The following MAN2A1 variants were observed in gnomAD, a reference collection of about 807,000 sequenced individuals.
The protein encoded by MAN2A1 is mannosidase alpha class 2A member 1, also known as alpha-mannosidase 2.
Under a neutral mutation model 142.6 loss-of-function variants are expected in MAN2A1, and 76 were observed. The observed-to-expected ratio is 0.53, with a 90% CI of 0.44 to 0.65. The LOEUF (loss-of-function observed/expected upper bound fraction) is 0.65, where lower values mean the gene tolerates loss of function less well. MAN2A1 is among the 30% of genes least tolerant of loss of function. The pLI, the probability that MAN2A1 is intolerant of heterozygous loss-of-function variation, is 0.00. For missense variants in MAN2A1, 1,311 were observed against 1,365.1 expected (o/e 0.96, Z 0.62); for synonymous variants, 559 against 473.2 (o/e 1.18, Z -2.35).
In MAN2A1 at chr5:109,805,285, T is replaced by C. The variant is rs183568488; in HGVS notation, c.1944-11988T>C. Among the ~76,000 whole-genome samples the C allele has an allele frequency of 1.2e-4, 19 of 152,362 alleles. No homozygotes were observed. The East Asian group carries it at 3.7e-3, about 29-fold the overall frequency. The stretch of plus-strand genomic sequence containing the variant: ...GAATATTTATTCTTTTATTTGACTT[T>C]ACTATTTTCTGTTGTGTACTGGAAA... On this transcript the variant is annotated intron_variant, in intron 12 of 21. Transcript: ENST00000261483.
At chr5:109,800,665 G>C (rs1754000685) in intron 12 of MAN2A1, among the ~76,000 whole-genome samples, 1 of 152,170 alleles carries the variant, frequency 6.6e-6, no homozygotes, top group Non-Finnish European at 1.5e-5. Flanking sequence ...ATTTCTTTTT[G>C]TAATAGAGAA....
rs753634381 is a variant in MAN2A1 at position 109,817,393 on chromosome 5, C to T, written c.2064C>T (p.Ser688=). 21 of 1,613,830 alleles carry T rather than the reference C, an allele frequency of 1.3e-5. No individual in the cohort carries two copies. The highest frequency in any genetic ancestry group is 1.6e-4 in the Middle Eastern group (1 of 6,084). The change falls in exon 13 of 22, where the codon AGC becomes AGT. Residue 688 remains serine, a synonymous_variant. Coordinates refer to ENST00000261483, the MANE Select transcript of MAN2A1 (RefSeq NM_002372.4). ...ASGKPVEVQV[S]AVWDTANTIS... ...GAAAACCTGTGGAAGTTCAAGTCAG[C>T]GCAGTTTGGGATACAGCAAATACTA...
At chr5:109,844,512 G>C (rs972799026) in intron 17 of MAN2A1, among the ~76,000 whole-genome samples, 2 of 151,588 alleles carry the variant, frequency 1.3e-5, no homozygotes, top group Admixed American at 6.6e-5. Context: ...TACAGTTGTA[G>C]CTTTATCAGT....
chr5:109,770,623 G>A, intron 7 of MAN2A1, 82 bp downstream of exon 7: 11 of 1,257,858 alleles, frequency 8.7e-6, no homozygotes, highest in Non-Finnish European at 1.2e-5. Flanking sequence ...TTGAACAAAT[G>A]GGCTTTATTA....
chr5:109,779,580 CACAA>C (rs66480646), intron 8 of MAN2A1, among the ~76,000 whole-genome samples: 54,527 of 121,036 alleles, frequency 0.45, 10,280 homozygotes, highest in East Asian at 0.56. Context: ...CACACACACA[CACAA>C]ACACACACAG....
chr5:109,758,506 A>C (rs1047846387), intron 5 of MAN2A1, among the ~76,000 whole-genome samples: 12 of 151,452 alleles, frequency 7.9e-5, no homozygotes, highest in African/African-American at 2.4e-4. Flanking sequence ...TTTAGTGCAC[A>C]AGTTTTAATT....
At chr5:109,797,348 A>G (rs1474676000) in intron 12 of MAN2A1, among the ~76,000 whole-genome samples, 1 of 152,154 alleles carries the variant, frequency 6.6e-6, no homozygotes, top group African/African-American at 2.4e-5. Flanking sequence ...AAACAAAAAG[A>G]TGACAAAAAA....
At chr5:109,850,847 A>T (rs763411199) in intron 19 of MAN2A1, among the ~76,000 whole-genome samples, 26 of 152,172 alleles carry the variant, frequency 1.7e-4, no homozygotes, top group Non-Finnish European at 3.4e-4. Flanking sequence ...TCAAGTATAG[A>T]TTCTGGGTCT....
rs17162233 is a variant in MAN2A1 at position 109,788,521 on chromosome 5, T to C, written c.1761-413T>C. Reference sequence around the variant, plus strand: ...TGACTTGTATACGAATTGAATTTTCTTGTGAGCTGAATTATCTCATGTTTT... The same window carrying C: ...TGACTTGTATACGAATTGAATTTTCCTGTGAGCTGAATTATCTCATGTTTT... On this transcript the variant is annotated intron_variant, in intron 10 of 21. Coordinates refer to ENST00000261483, the MANE Select transcript of MAN2A1 (RefSeq NM_002372.4). 3.3e-3 allele frequency among the ~76,000 whole-genome samples: 500 copies of C among 152,064 alleles called. 5 individuals are homozygous for C. Among genetic ancestry groups the C allele is most frequent in the African/African-American group, 0.012 (478 of 41,554 alleles).
chr5:109,799,770 C>T (rs1235402876), intron 12 of MAN2A1, among the ~76,000 whole-genome samples: 3 of 143,272 alleles, frequency 2.1e-5, no homozygotes, highest in East Asian at 2.3e-4. Flanking sequence ...AAAAAAAAAG[C>T]GAAAGAACCA....
intron 20 of MAN2A1, chr5:109,864,772 C>T: frequency 2.5e-6 from 1 of 398,396 alleles, no homozygotes; most frequent in Non-Finnish European, 4.5e-6. Context: ...AACCTAAGTC[C>T]TCGGGGATTA....
chr5:109,739,914 G>T (rs1405021776), intron 4 of MAN2A1, among the ~76,000 whole-genome samples: 1 of 152,162 alleles, frequency 6.6e-6, no homozygotes, highest in East Asian at 1.9e-4. Context: ...TCTTTAGAGA[G>T]CGAAGTGAGG....
intron 4 of MAN2A1, among the ~76,000 whole-genome samples, chr5:109,735,648 C>T (rs543701718): frequency 4.6e-5 from 7 of 152,178 alleles, no homozygotes; most frequent in Non-Finnish European, 7.4e-5. Context: ...AGCTGTAGAC[C>T]GGAGCTGTTC....
chr5:109,849,311 A>T (rs1580315335), intron 19 of MAN2A1, among the ~76,000 whole-genome samples: 2 of 152,004 alleles, frequency 1.3e-5, no homozygotes, highest in African/African-American at 4.8e-5. Context: ...CTTGTGTCTG[A>T]CCTCCTGATT....
At chr5:109,789,098 C>A in intron 11 of MAN2A1, 50 bp downstream of exon 11, 3 of 905,462 alleles carry the variant, frequency 3.3e-6, no homozygotes, top group South Asian at 3.5e-5. Flanking sequence ...TTCCATTGTT[C>A]TTGCATTAGC....
chr5:109,867,098 G>T lies in MAN2A1; in HGVS notation c.*100G>T. 1.3e-6 allele frequency: 1 copy of T among 776,100 alleles called. No homozygotes were observed. Among genetic ancestry groups the T allele is most frequent in the South Asian group, 3.0e-5 (1 of 33,202 alleles). 48.1% of individuals were successfully genotyped at this position (776,100 alleles called of 1,614,324 possible). On this transcript the variant is annotated 3_prime_UTR_variant, in exon 22 of 22. Coordinates refer to ENST00000261483, the MANE Select transcript of MAN2A1 (RefSeq NM_002372.4). Reference sequence around the variant, plus strand: ...CATTATTTTAGCTTCTGGCTACTGTGAGAACATGAATTCTGTGATTCTGTG... The same window carrying T: ...CATTATTTTAGCTTCTGGCTACTGTTAGAACATGAATTCTGTGATTCTGTG...
intron 2 of MAN2A1, among the ~76,000 whole-genome samples, 164 bp from the exon 3 acceptor site, chr5:109,715,956 G>T (rs1224487811): frequency 5.3e-5 from 8 of 152,038 alleles, no homozygotes; most frequent in Non-Finnish European, 1.2e-4. Context: ...GCCTTTGAAT[G>T]GTGATGGAAT....
intron 5 of MAN2A1, among the ~76,000 whole-genome samples, chr5:109,757,151 G>C (rs545486764): frequency 6.6e-6 from 1 of 151,858 alleles, no homozygotes; most frequent in Non-Finnish European, 1.5e-5. Context: ...GTGTGAGTAC[G>C]ACAATATGTT....
intron 7 of MAN2A1, among the ~76,000 whole-genome samples, 154 bp downstream of exon 7, chr5:109,770,695 C>T (rs1753123109): frequency 6.6e-6 from 1 of 152,032 alleles, no homozygotes; most frequent in Admixed American, 6.6e-5. Context: ...TTAAAAATGC[C>T]AGAGCCTTGA....
Sources: gnomAD v4.1 joint callset for allele counts (sites outside exome capture counted in the v4.1 genomes callset) on GRCh38, gnomAD v4.1.1 for gene constraint, MANE v1.5 for transcripts, NCBI Gene and HGNC (gene_info 2026-07-23, HGNC 2026-07-21) for gene names.